Variants in DNER observed in about 807,000 individuals in gnomAD.
DNER encodes the protein delta and Notch-like epidermal growth factor-related receptor.
A neutral mutation model predicts 78.2 loss-of-function variants in DNER; 33 were observed. The observed-to-expected ratio is 0.42, with a 90% CI of 0.32 to 0.56. DNER has a LOEUF of 0.56. Among genes scored for constraint, DNER ranks in the 20% least tolerant of loss-of-function variants. DNER has a pLI of 0.11. For synonymous variants in DNER, 417 were observed against 384.8 expected, an observed-to-expected ratio of 1.08 and a Z score of -0.98; for missense variants, 918 against 975.3, an observed-to-expected ratio of 0.94 and a Z score of 0.78.
intron 6 of DNER, among the ~76,000 whole-genome samples, chr2:229,499,957 C>T (rs1433857595): frequency 7.0e-6 from 1 of 142,570 alleles, no homozygotes; most frequent in Non-Finnish European, 1.5e-5. Flanking sequence ...CTCTTCAAGA[C>T]AGAGTCTCAC....
intron 12 of DNER, among the ~76,000 whole-genome samples, chr2:229,363,151 G>T (rs1176664072): frequency 6.6e-6 from 1 of 152,142 alleles, no homozygotes; most frequent in African/African-American, 2.4e-5. Flanking sequence ...CAAGCATGTT[G>T]CAGATGACTC....
chr2:229,637,097 C>A (rs1192613540), intron 1 of DNER, among the ~76,000 whole-genome samples: 2 of 152,176 alleles, frequency 1.3e-5, no homozygotes, highest in Non-Finnish European at 2.9e-5. Context: ...TCTCACCCAT[C>A]CCACTCTAAC....
chr2:229,368,005 A>G, intron 11 of DNER, among the ~76,000 whole-genome samples: 1 of 152,216 alleles, frequency 6.6e-6, no homozygotes, highest in Non-Finnish European at 1.5e-5. Flanking sequence ...CTCACTGCTC[A>G]GTTAATAATG....
At chr2:229,650,089 A>AG (rs1698788534) in intron 1 of DNER, among the ~76,000 whole-genome samples, 2 of 151,888 alleles carry the variant, frequency 1.3e-5, no homozygotes, top group East Asian at 1.9e-4. Flanking sequence ...AAAAAAAAAA[A>AG]AAAGAAATGG....
intron 6 of DNER, among the ~76,000 whole-genome samples, chr2:229,491,440 C>T (rs1363789109): frequency 6.6e-6 from 1 of 152,184 alleles, no homozygotes; most frequent in Non-Finnish European, 1.5e-5. Context: ...AAAGGCTCCA[C>T]CTTCTAATAC....
chr2:229,449,939 G>A (rs12474349), intron 7 of DNER, among the ~76,000 whole-genome samples: 18,545 of 151,992 alleles, frequency 0.12, 1,218 homozygotes, highest in South Asian at 0.21. Context: ...ACACCACCAC[G>A]CCTGGCTAAT....
At chr2:229,470,587 C>T (rs1198978004) in intron 7 of DNER, among the ~76,000 whole-genome samples, 2 of 152,164 alleles carry the variant, frequency 1.3e-5, no homozygotes, top group African/African-American at 2.4e-5. Flanking sequence ...CAGTGGCTCA[C>T]GCCTGTAATC....
At chr2:229,451,871 C>A (rs1288484993) in intron 7 of DNER, among the ~76,000 whole-genome samples, 1 of 152,148 alleles carries the variant, frequency 6.6e-6, no homozygotes, top group Non-Finnish European at 1.5e-5. Flanking sequence ...TTTAGAAAGG[C>A]AATCACTCTA....
chr2:229,698,387 C>T (rs567479349), intron 1 of DNER, among the ~76,000 whole-genome samples: 14 of 152,274 alleles, frequency 9.2e-5, no homozygotes, highest in Admixed American at 3.3e-4. Context: ...ATCAAGCATA[C>T]TCACATACTA....
intron 5 of DNER, among the ~76,000 whole-genome samples, chr2:229,531,980 G>C (rs1206241438): frequency 6.6e-6 from 1 of 152,124 alleles, no homozygotes; most frequent in Admixed American, 6.5e-5. Context: ...CAGATTGGTG[G>C]TTGACAGGGG....
At chr2:229,358,904 G>A (rs972709419) in intron 12 of DNER, among the ~76,000 whole-genome samples, 6 of 152,280 alleles carry the variant, frequency 3.9e-5, no homozygotes, top group African/African-American at 1.4e-4. Context: ...GTTAAATCTT[G>A]GCAAAGCAGT....
At chr2:229,594,492 C>A (rs1244770631) in intron 1 of DNER, among the ~76,000 whole-genome samples, 1 of 151,944 alleles carries the variant, frequency 6.6e-6, no homozygotes, top group African/African-American at 2.4e-5. Flanking sequence ...GAGGCTAAGG[C>A]GGGAGAATCA....
In DNER at chr2:229,500,321, A is replaced by G. The variant is rs373520652; in HGVS notation, c.1147+12462T>C. ...ATCACTGATCATCAGGGAAGTGTCA[A>G]TTAAAACCACGATGAGATATCAAGT... On this transcript the variant is annotated intron_variant, in intron 6 of 12. Coordinates refer to ENST00000341772, the MANE Select transcript of DNER (RefSeq NM_139072.4). Among the ~76,000 whole-genome samples, 3 of 152,358 alleles carry G rather than the reference A, an allele frequency of 2.0e-5. No homozygotes were observed. In the East Asian group the frequency reaches 5.8e-4, roughly 29 times the overall value.
intron 4 of DNER, among the ~76,000 whole-genome samples, chr2:229,558,803 C>G (rs111250269): frequency 1.3e-5 from 2 of 152,052 alleles, no homozygotes; most frequent in African/African-American, 2.4e-5. Flanking sequence ...AATGAGCCAG[C>G]AAGAAAAGCT....
At chr2:229,361,108 C>T (rs975423557) in intron 12 of DNER, among the ~76,000 whole-genome samples, 1 of 152,114 alleles carries the variant, frequency 6.6e-6, no homozygotes, top group African/African-American at 2.4e-5. Flanking sequence ...TTAAAACACA[C>T]AGTACAATGA....
chr2:229,459,435 T>C (rs1020383765), intron 7 of DNER, among the ~76,000 whole-genome samples: 1 of 152,092 alleles, frequency 6.6e-6, no homozygotes, highest in Non-Finnish European at 1.5e-5. Flanking sequence ...TTAAAAGTAA[T>C]AGAAAAATTT....
At position 229,361,104 on chromosome 2, in the gene DNER, C is replaced by T. The variant is rs575130057; in HGVS notation, c.2103-2453G>A. On this transcript the variant is annotated intron_variant, in intron 12 of 12. Transcript: ENST00000341772. ...TTATAGAAACACCACAGTTTTAAAACACACAGTACAATGAAAAGACTTTGT... is the reference window on the plus strand; with the variant it reads ...TTATAGAAACACCACAGTTTTAAAATACACAGTACAATGAAAAGACTTTGT... 9.9e-5 allele frequency among the ~76,000 whole-genome samples: 15 copies of T among 152,268 alleles called. No homozygotes were observed. The East Asian group carries it at 2.7e-3, about 27-fold the overall frequency.
intron 6 of DNER, among the ~76,000 whole-genome samples, chr2:229,491,106 C>T (rs955933329): frequency 2.0e-5 from 3 of 152,160 alleles, no homozygotes; most frequent in Non-Finnish European, 2.9e-5. Flanking sequence ...TGGCCAGGTC[C>T]AGGTTCCTTC....
At chr2:229,561,217 T>G (rs975498164) in intron 4 of DNER, among the ~76,000 whole-genome samples, 6 of 152,120 alleles carry the variant, frequency 3.9e-5, no homozygotes, top group Non-Finnish European at 7.3e-5. Context: ...ATCCCAGAAA[T>G]GGTCCAAATA....
Sources: allele counts gnomAD v4.1 joint callset (sites outside exome capture counted in the v4.1 genomes callset), GRCh38; gene constraint gnomAD v4.1.1; transcripts MANE v1.5; gene names NCBI Gene and HGNC (gene_info 2026-07-23, HGNC 2026-07-21).